GNA14: variants seen among roughly 807,000 people sequenced by gnomAD.
GNA14 encodes the protein G protein subunit alpha 14, also known as guanine nucleotide-binding protein subunit alpha-14.
A neutral mutation model predicts 42.0 loss-of-function variants in GNA14; 50 were observed. The observed-to-expected ratio is 1.19, with a 90% CI of 0.95 to 1.51. GNA14 has a LOEUF of 1.51. GNA14 is among the 40% of genes most tolerant of loss of function. The probability of loss-of-function intolerance (pLI) is 0.00; values close to 1 mark genes in which losing one functional copy is unlikely to be tolerated. For missense variants in GNA14, 473 were observed against 446.2 expected (o/e 1.06, Z -0.54); for synonymous variants, 173 against 163.1 (o/e 1.06, Z -0.46).
chr9:77,530,731 C>T (rs148650006), intron 1 of GNA14, among the ~76,000 whole-genome samples: 1 of 152,320 alleles, frequency 6.6e-6, no homozygotes, highest in East Asian at 1.9e-4. Flanking sequence ...GAACCTCAAA[C>T]CTCAGCCAAC....
chr9:77,535,912 C>G (rs1837591628), intron 1 of GNA14, among the ~76,000 whole-genome samples: 1 of 148,118 alleles, frequency 6.8e-6, no homozygotes, highest in Non-Finnish European at 1.5e-5. Context: ...TTTTTCCAAG[C>G]AAGTTCCAAT....
At chr9:77,593,794 C>T (rs1823424398) in intron 1 of GNA14, among the ~76,000 whole-genome samples, 1 of 152,218 alleles carries the variant, frequency 6.6e-6, no homozygotes, top group Non-Finnish European at 1.5e-5. Context: ...CTATGCTGTC[C>T]AAGGACACAT....
intron 2 of GNA14, among the ~76,000 whole-genome samples, chr9:77,440,276 G>A (rs1835710302): frequency 6.6e-6 from 1 of 152,230 alleles, no homozygotes; most frequent in Admixed American, 6.5e-5. Flanking sequence ...GTGGCGCCCT[G>A]CCGGTTTCAC....
At chr9:77,450,681 C>CT (rs1036657474) in intron 2 of GNA14, among the ~76,000 whole-genome samples, 1 of 151,342 alleles carries the variant, frequency 6.6e-6, no homozygotes, top group Non-Finnish European at 1.5e-5. Context: ...AATTTTCATC[C>CT]TTTTTTTGGT....
At chr9:77,477,137 G>T (rs1025611329) in intron 2 of GNA14, among the ~76,000 whole-genome samples, 12 of 152,124 alleles carry the variant, frequency 7.9e-5, no homozygotes, top group Non-Finnish European at 1.8e-4. Context: ...CAGGTGGATT[G>T]CTTGAGGCCA....
At chr9:77,464,739 T>C (rs1279318760) in intron 2 of GNA14, among the ~76,000 whole-genome samples, 1 of 152,164 alleles carries the variant, frequency 6.6e-6, no homozygotes, top group Non-Finnish European at 1.5e-5. Context: ...TGCTAAAAGA[T>C]ATGTTGAAAT....
chr9:77,552,973 A>T (rs950646908), intron 1 of GNA14, among the ~76,000 whole-genome samples: 2 of 152,188 alleles, frequency 1.3e-5, no homozygotes, highest in Non-Finnish European at 2.9e-5. Context: ...AACTGCATCT[A>T]CTGCATCATC....
At chr9:77,552,211 G>A (rs535077952) in intron 1 of GNA14, among the ~76,000 whole-genome samples, 1 of 150,472 alleles carries the variant, frequency 6.6e-6, no homozygotes, top group East Asian at 2.0e-4. Context: ...AAATAAAATT[G>A]AATCTATAAT....
At chr9:77,647,602 G>A (rs1824378922) in intron 1 of GNA14, 68 bp downstream of exon 1, 2 of 1,536,530 alleles carry the variant, frequency 1.3e-6, no homozygotes, top group Non-Finnish European at 1.8e-6. Context: ...GCGGGTGCCA[G>A]TGGAGAGGCC....
At position 77,529,209 on chromosome 9, in the gene GNA14, T is replaced by C; in HGVS notation, c.169A>G (p.Ile57Val). Residue 57 changes from isoleucine to valine, a missense_variant, in exon 2 of 7, where the codon ATT becomes GTT. Transcript: ENST00000341700. ...TCGCTGTAACCAGACCCATGGATAA[T>C]TCTCATCTGCTTGATAAAGGTGCTT... is the stretch of plus-strand genomic sequence containing the variant. ...GKSTFIKQMRIIHGSGYSDED... is the reference protein window; with the variant it reads ...GKSTFIKQMRVIHGSGYSDED... 1.2e-6 allele frequency: 2 copies of C among 1,614,096 alleles called. No homozygotes were observed. The highest frequency in any genetic ancestry group is 1.7e-6 in the Non-Finnish European group (2 of 1,179,984).
chr9:77,633,650 T>C (rs1824133671), intron 1 of GNA14, among the ~76,000 whole-genome samples: 1 of 151,700 alleles, frequency 6.6e-6, no homozygotes, highest in Admixed American at 6.6e-5. Flanking sequence ...GCAGAGAGGA[T>C]GGCAAGAAGC....
chr9:77,560,087 T>A (rs1245231768), intron 1 of GNA14, among the ~76,000 whole-genome samples: 1 of 152,198 alleles, frequency 6.6e-6, no homozygotes, highest in African/African-American at 2.4e-5. Context: ...GTTATTCAAT[T>A]ATTCAGGTTT....
intron 1 of GNA14, among the ~76,000 whole-genome samples, chr9:77,623,216 C>CAAAAAAAAAAAAAAAAAAAA (rs34368561): frequency 3.7e-5 from 1 of 26,832 alleles, no homozygotes; most frequent in African/African-American, 6.2e-5. Context: ...GACGCTGTCT[C>CAAAAAAAAAAAAAAAAAAAA]AAAAAAAAAA....
At chr9:77,490,352 G>A (rs7045840) in intron 2 of GNA14, among the ~76,000 whole-genome samples, 4,124 of 152,354 alleles carry the variant, frequency 0.027, 190 homozygotes, top group African/African-American at 0.094. Context: ...GTTGCAGGTG[G>A]AGCTGCCTGC....
intron 2 of GNA14, among the ~76,000 whole-genome samples, chr9:77,463,095 T>C (rs1836143838): frequency 6.6e-6 from 1 of 152,196 alleles, no homozygotes; most frequent in Non-Finnish European, 1.5e-5. Flanking sequence ...CTTGATCCTC[T>C]GCTGCGAATG....
chr9:77,576,195 A>C (rs575642973), intron 1 of GNA14, among the ~76,000 whole-genome samples: 5 of 152,074 alleles, frequency 3.3e-5, no homozygotes, highest in Non-Finnish European at 7.4e-5. Context: ...AGATTGAGGG[A>C]TATGGTGAGG....
chr9:77,594,100 G>A (rs1823429036), intron 1 of GNA14, among the ~76,000 whole-genome samples: 2 of 152,196 alleles, frequency 1.3e-5, no homozygotes, highest in South Asian at 4.1e-4. Context: ...GGGCAGGGAG[G>A]GGTGAAACTC....
chr9:77,535,327 G>T (rs1281980416), intron 1 of GNA14, among the ~76,000 whole-genome samples: 2 of 152,180 alleles, frequency 1.3e-5, no homozygotes, highest in Non-Finnish European at 2.9e-5. Flanking sequence ...GGAGGATCAC[G>T]AAGTCAGGAG....
chr9:77,465,730 C>A (rs1394228150), intron 2 of GNA14, among the ~76,000 whole-genome samples: 2 of 152,060 alleles, frequency 1.3e-5, no homozygotes, highest in African/African-American at 2.4e-5. Flanking sequence ...CTCAGCCTCC[C>A]AAGTAGGTGG....
Sources: gnomAD v4.1 joint callset for allele counts (sites outside exome capture counted in the v4.1 genomes callset) on GRCh38, gnomAD v4.1.1 for gene constraint, MANE v1.5 for transcripts, NCBI Gene and HGNC (gene_info 2026-07-23, HGNC 2026-07-21) for gene names.